The following SPATA13 variants were observed in gnomAD, a reference collection of about 807,000 sequenced individuals.
The protein encoded by SPATA13 is spermatogenesis-associated protein 13.
In SPATA13, 50 loss-of-function variants were observed where a neutral mutation model predicts 104.0. That is an observed-to-expected ratio of 0.48 (90% CI 0.38 to 0.61). The LOEUF (loss-of-function observed/expected upper bound fraction) is 0.61, where lower values mean the gene tolerates loss of function less well. SPATA13 is among the 20% of genes least tolerant of loss of function. The pLI is 0.00. For missense variants in SPATA13, 1,524 were observed against 1,690.6 expected, an observed-to-expected ratio of 0.90 and a Z score of 1.73; for synonymous variants, 606 against 667.5, an observed-to-expected ratio of 0.91 and a Z score of 1.42.
chr13:24,113,294 T>C (rs1436792328), intron 3 of SPATA13, among the ~76,000 whole-genome samples: 1 of 152,216 alleles, frequency 6.6e-6, no homozygotes. Flanking sequence ...TTCTCTTGAA[T>C]TGGATGTTTC....
intron 2 of SPATA13, among the ~76,000 whole-genome samples, chr13:23,996,092 G>C (rs1875676191): frequency 6.6e-6 from 1 of 152,148 alleles, no homozygotes; most frequent in African/African-American, 2.4e-5. Flanking sequence ...TTTTTGGTAG[G>C]TTACGAATTA....
intron 3 of SPATA13, among the ~76,000 whole-genome samples, chr13:24,019,980 C>T (rs1008264549): frequency 6.6e-6 from 1 of 152,190 alleles, no homozygotes; most frequent in Non-Finnish European, 1.5e-5. Context: ...ATTCAGACAT[C>T]TACGTTTATT....
intron 2 of SPATA13, among the ~76,000 whole-genome samples, chr13:24,241,677 G>A (rs911911529): frequency 1.3e-5 from 2 of 152,358 alleles, no homozygotes; most frequent in Admixed American, 6.5e-5. Flanking sequence ...ACCTCCCCGC[G>A]TGCCGGGATA....
chr13:24,251,833 G>A lies in SPATA13; in HGVS notation c.2135G>A (p.Gly712Glu). The A allele has an allele frequency of 3.7e-6, 6 of 1,614,008 alleles. No homozygotes were observed. Among genetic ancestry groups the A allele is most frequent in the Non-Finnish European group, 5.1e-6 (6 of 1,179,930 alleles). Reference protein sequence around the residue: ...QSTPIGLDRVGRRRQMRASNV... With the variant: ...QSTPIGLDRVERRRQMRASNV... ...ACCCCCATTGGGTTGGACCGTGTGG[G>A]ACGCCGGCGGCAGATGAGAGCATCC... is the stretch of plus-strand genomic sequence containing the variant. The change falls in exon 4 of 13, where the codon GGA (glycine) becomes GAA (glutamate). Residue 712 changes from glycine to glutamate, a missense_variant. Around this residue, in one of 2 missense-constraint regions of SPATA13, gnomAD observed 1,089 missense variants for 1,135.9 expected, o/e 0.96. Transcript: ENST00000382108.
intron 1 of SPATA13, among the ~76,000 whole-genome samples, chr13:24,186,718 G>A (rs1869174968): frequency 6.6e-6 from 1 of 152,142 alleles, no homozygotes; most frequent in Non-Finnish European, 1.5e-5. Flanking sequence ...GAAAATACAG[G>A]TTTGAGAGGG....
At position 24,306,505 on chromosome 13, in the gene SPATA13, T is replaced by C. The variant is rs1257871055; in HGVS notation, c.*3732T>C. ...ACCCAAGTCAACTAGGTGAAACTAC[T>C]AGCAGACCCAGCTTTCCCATAATAA... On this transcript the variant is annotated 3_prime_UTR_variant, in exon 13 of 13. Transcript: ENST00000382108. The C allele has an allele frequency of 6.6e-6, 1 of 152,230 alleles. No homozygotes were observed. Among genetic ancestry groups the C allele is most frequent in the Non-Finnish European group, 1.5e-5 (1 of 68,052 alleles). 9.4% of individuals were successfully genotyped at this position (152,230 alleles called of 1,614,324 possible).
At chr13:24,284,326 C>A in intron 5 of SPATA13, 55 bp downstream of exon 5, 4 of 1,557,496 alleles carry the variant, frequency 2.6e-6, no homozygotes, top group South Asian at 1.2e-5. Context: ...TTTCAGGGTC[C>A]ACAACCACTT....
At chr13:24,200,031 G>A (rs935373345) in intron 1 of SPATA13, among the ~76,000 whole-genome samples, 4 of 152,168 alleles carry the variant, frequency 2.6e-5, no homozygotes, top group Non-Finnish European at 5.9e-5. Context: ...TTGATGCCTG[G>A]AAGGTCCCTT....
chr13:24,139,553 C>T lies in SPATA13; in HGVS notation c.-111-83266C>T, dbSNP rs536446622. On this transcript the variant is annotated intron_variant, in intron 3 of 14. Transcript: ENST00000424834. ...GTTATATTAAGGTGCTGCAGAAAGC[C>T]GTGTCCTCCAAATTTTTAACTACTT... Among the ~76,000 whole-genome samples the T allele has an allele frequency of 5.3e-5, 8 of 152,240 alleles. No individual in the cohort carries two copies. In the South Asian group the frequency reaches 6.2e-4, roughly 12 times the overall value.
intron 3 of SPATA13, among the ~76,000 whole-genome samples, chr13:24,022,527 C>T (rs1424248604): frequency 6.6e-6 from 1 of 152,180 alleles, no homozygotes; most frequent in Non-Finnish European, 1.5e-5. Context: ...CAAAAACCTT[C>T]TGATCTCTTA....
At chr13:24,160,716 G>T, upstream of SPATA13, 1 of 985,664 alleles carries the variant, frequency 1.0e-6, no homozygotes, top group Non-Finnish European at 1.2e-6. Flanking sequence ...GGCGTGGCTT[G>T]GCTGAGTGTG....
chr13:24,212,974 G>T (rs1871107372), intron 1 of SPATA13, among the ~76,000 whole-genome samples: 1 of 152,266 alleles, frequency 6.6e-6, no homozygotes, highest in Non-Finnish European at 1.5e-5. Context: ...GCTGACCTTG[G>T]AGCGGGTCTG....
intron 2 of SPATA13, among the ~76,000 whole-genome samples, chr13:24,248,533 C>T (rs1873292437): frequency 6.6e-6 from 1 of 152,156 alleles, no homozygotes; most frequent in Non-Finnish European, 1.5e-5. Flanking sequence ...TGGGATTGTC[C>T]AGTCCAAAAT....
At chr13:24,015,667 C>T (rs1876673296) in intron 2 of SPATA13, among the ~76,000 whole-genome samples, 1 of 152,170 alleles carries the variant, frequency 6.6e-6, no homozygotes, top group Admixed American at 6.5e-5. Context: ...CCCTGCCATC[C>T]CCTAGAAGGT....
chr13:24,161,080 G>C lies in SPATA13; in HGVS notation c.-112+148G>C, dbSNP rs1294450586. 1 of 420,312 alleles carries C rather than the reference G, an allele frequency of 2.4e-6. No homozygotes were observed. Among genetic ancestry groups the C allele is most frequent in the East Asian group, 1.6e-4 (1 of 6,348 alleles). The allele number at this position is 420,312 out of a possible 1,614,324, so 26.0% of individuals were successfully genotyped here. On this transcript the variant is annotated intron_variant, in intron 1 of 12. Transcript: ENST00000382108. This position sits in a 1 kb window ranked among gnomAD's most constrained non-coding sequence, Gnocchi z 4.5. ...CTGCTTGGCCTCTGCTTCCCCCGCC[G>C]GTGGAGGCTACCGGGTGCTCACCTG...
chr13:24,087,959 C>T (rs1879788580), intron 3 of SPATA13, among the ~76,000 whole-genome samples: 1 of 152,244 alleles, frequency 6.6e-6, no homozygotes, highest in African/African-American at 2.4e-5. Context: ...GCTCTTCCAG[C>T]TTTGGGCCTT....
intron 2 of SPATA13, among the ~76,000 whole-genome samples, chr13:24,232,297 G>A (rs1447971321): frequency 6.6e-6 from 1 of 152,202 alleles, no homozygotes; most frequent in African/African-American, 2.4e-5. Context: ...GGGAATCCTG[G>A]ACTTTTGTCC....
At chr13:24,147,242 G>A (rs915157628) in intron 3 of SPATA13, among the ~76,000 whole-genome samples, 6 of 152,328 alleles carry the variant, frequency 3.9e-5, no homozygotes, top group Admixed American at 3.9e-4. Flanking sequence ...AGGCAGAACA[G>A]GATGCAGAGA....
At chr13:24,127,465 G>A (rs983399893) in intron 3 of SPATA13, among the ~76,000 whole-genome samples, 9 of 152,204 alleles carry the variant, frequency 5.9e-5, no homozygotes, top group African/African-American at 7.2e-5. Flanking sequence ...GGGAGCCCCC[G>A]TAGGTAGTCT....
Sources: allele counts gnomAD v4.1 joint callset (sites outside exome capture counted in the v4.1 genomes callset), GRCh38; gene constraint gnomAD v4.1.1; regional missense constraint gnomAD v4.1.1; non-coding constraint Gnocchi (gnomAD v3.1); transcripts MANE v1.5; gene names NCBI Gene and HGNC (gene_info 2026-07-23, HGNC 2026-07-21).